KATNIP: variants seen among roughly 807,000 people sequenced by gnomAD.
The protein encoded by KATNIP is katanin interacting protein.
A neutral mutation model predicts 174.0 loss-of-function variants in KATNIP; 126 were observed. The observed-to-expected ratio is 0.72, with a 90% CI of 0.63 to 0.84. KATNIP has a LOEUF of 0.84. Ranked by LOEUF, KATNIP falls within the 40% of genes least tolerant of loss-of-function variation. The pLI is 0.00. For missense variants in KATNIP, 1,958 were observed against 2,109.7 expected (o/e 0.93, Z 1.41); for synonymous variants, 810 against 835.7 (o/e 0.97, Z 0.53).
At chr16:27,560,283 G>GAAAAAAAAAAAA (rs765910684) in intron 1 of KATNIP, among the ~76,000 whole-genome samples, 1 of 44,988 alleles carries the variant, frequency 2.2e-5, no homozygotes. Context: ...CTCTGTCTCA[G>GAAAAAAAAAAAA]AAAAAAAAAA....
At chr16:27,686,143 G>A (rs1041606471) in intron 8 of KATNIP, among the ~76,000 whole-genome samples, 2 of 152,158 alleles carry the variant, frequency 1.3e-5, no homozygotes, top group African/African-American at 4.8e-5. Context: ...CACCACCAGA[G>A]ACACAAGGAA....
intron 20 of KATNIP, among the ~76,000 whole-genome samples, chr16:27,769,126 C>T (rs887283838): frequency 6.6e-6 from 1 of 152,234 alleles, no homozygotes; most frequent in Non-Finnish European, 1.5e-5. Context: ...TGGCTCAAAT[C>T]CACGTGAATC....
intron 11 of KATNIP, 121 bp downstream of exon 11, chr16:27,701,816 A>T: frequency 1.4e-6 from 1 of 695,276 alleles, no homozygotes; most frequent in South Asian, 1.8e-5. Context: ...TTTCTTTAAG[A>T]TGGAATCTTG....
At chr16:27,658,671 G>A (rs2077371963) in intron 6 of KATNIP, among the ~76,000 whole-genome samples, 2 of 152,046 alleles carry the variant, frequency 1.3e-5, no homozygotes, top group Non-Finnish European at 2.9e-5. Flanking sequence ...GAGGGGAGAC[G>A]ATGTCCCTTA....
At chr16:27,676,434 G>A (rs76582060) in intron 6 of KATNIP, among the ~76,000 whole-genome samples, 1,841 of 152,174 alleles carry the variant, frequency 0.012, 51 homozygotes, top group African/African-American at 0.042. Flanking sequence ...TACACTCAAG[G>A]TGTTCCTCAC....
At chr16:27,708,061 G>A (rs1435478337) in intron 12 of KATNIP, among the ~76,000 whole-genome samples, 2 of 149,006 alleles carry the variant, frequency 1.3e-5, no homozygotes, top group African/African-American at 5.0e-5. Flanking sequence ...CTTTCACCCA[G>A]GCTGGAATGC....
At chr16:27,650,409 A>C (rs1429202515) in intron 6 of KATNIP, among the ~76,000 whole-genome samples, 2 of 152,204 alleles carry the variant, frequency 1.3e-5, no homozygotes. Context: ...TATTTTTATA[A>C]ATAGAATGAG....
intron 1 of KATNIP, among the ~76,000 whole-genome samples, chr16:27,563,827 A>G (rs1356890448): frequency 7.1e-6 from 1 of 140,096 alleles, no homozygotes; most frequent in Non-Finnish European, 1.5e-5. Flanking sequence ...GATGGGTAGA[A>G]TTGCTTGAAC....
Position 27,638,454 on chromosome 16 carries a change from G to C in KATNIP, c.408+7292G>C, listed in dbSNP as rs16976908. 9.9e-3 allele frequency among the ~76,000 whole-genome samples: 1,503 copies of C among 152,312 alleles called. 30 individuals are homozygous for C. Among genetic ancestry groups the C allele is most frequent in the African/African-American group, 0.034 (1,402 of 41,550 alleles). On this transcript the variant is annotated intron_variant, in intron 5 of 27. Coordinates refer to ENST00000261588, the MANE Select transcript of KATNIP (RefSeq NM_015202.5). ...GACAGAGTCTTGGGTCCATGGGATG[G>C]AGAGGAAGACAATCTTTCTATCCTA...
intron 18 of KATNIP, among the ~76,000 whole-genome samples, chr16:27,760,566 G>A (rs184449414): frequency 1.3e-5 from 2 of 152,196 alleles, no homozygotes; most frequent in African/African-American, 4.8e-5. Flanking sequence ...TGTGATAGCA[G>A]CCAATTTGCA....
chr16:27,695,387 G>T (rs942064198), intron 8 of KATNIP, among the ~76,000 whole-genome samples: 2 of 152,070 alleles, frequency 1.3e-5, no homozygotes, highest in Non-Finnish European at 2.9e-5. Context: ...TGCTGGCTCC[G>T]CTCCAGCCCC....
intron 13 of KATNIP, among the ~76,000 whole-genome samples, chr16:27,716,851 A>AT (rs35825329): frequency 0.19 from 27,547 of 148,302 alleles, 2,825 homozygotes; most frequent in African/African-American, 0.29. Flanking sequence ...TTTACGTAGC[A>AT]TTTTTTTTTT....
rs2141960875 is a variant in KATNIP at position 27,603,600 on chromosome 16, G to A, written c.64-14825G>A. 2.0e-5 allele frequency among the ~76,000 whole-genome samples: 3 copies of A among 151,250 alleles called. No homozygotes were observed. In the Admixed American group the frequency reaches 2.0e-4, roughly 10 times the overall value. On this transcript the variant is annotated intron_variant, in intron 2 of 27. Transcript: ENST00000261588. The stretch of plus-strand genomic sequence containing the variant: ...CCTCCCCTTCCTCCTGCATTCTTCT[G>A]CCCCTTCCTACTTTCTTCTTTTTTA...
intron 6 of KATNIP, among the ~76,000 whole-genome samples, chr16:27,657,493 C>T (rs1358669904): frequency 2.0e-5 from 3 of 151,916 alleles, no homozygotes; most frequent in South Asian, 2.1e-4. Flanking sequence ...TTTGGGAGGA[C>T]GAGGCGGGTG....
intron 6 of KATNIP, among the ~76,000 whole-genome samples, chr16:27,651,068 G>T (rs975473409): frequency 6.6e-6 from 1 of 152,140 alleles, no homozygotes; most frequent in African/African-American, 2.4e-5. Flanking sequence ...TCAAGCAAGA[G>T]GCCATGGTAG....
intron 14 of KATNIP, among the ~76,000 whole-genome samples, chr16:27,721,986 G>A (rs1013531352): frequency 6.6e-6 from 1 of 152,204 alleles, no homozygotes; most frequent in Non-Finnish European, 1.5e-5. Flanking sequence ...GAGAGGTTAT[G>A]TAACTTGCCC....
chr16:27,732,010 C>T (rs940326433), intron 14 of KATNIP, among the ~76,000 whole-genome samples: 8 of 152,188 alleles, frequency 5.3e-5, no homozygotes, highest in Non-Finnish European at 7.3e-5. Context: ...AGCGCCGACC[C>T]GGTATTGCCA....
At chr16:27,569,703 G>A (rs757915491) in intron 1 of KATNIP, among the ~76,000 whole-genome samples, 31 of 152,154 alleles carry the variant, frequency 2.0e-4, no homozygotes, top group Non-Finnish European at 3.1e-4. Context: ...TCTTCGCATC[G>A]AGCTAATCTG....
intron 2 of KATNIP, among the ~76,000 whole-genome samples, chr16:27,586,136 G>C (rs2090889056): frequency 6.6e-6 from 1 of 151,922 alleles, no homozygotes; most frequent in Admixed American, 6.6e-5. Context: ...GAATATACTT[G>C]GGTTGTTTAT....
Sources: allele counts gnomAD v4.1 joint callset (sites outside exome capture counted in the v4.1 genomes callset), GRCh38; gene constraint gnomAD v4.1.1; transcripts MANE v1.5; gene names NCBI Gene and HGNC (gene_info 2026-07-23, HGNC 2026-07-21).